The following ANKHD1 variants were observed in gnomAD, a reference collection of about 807,000 sequenced individuals.
ANKHD1 encodes the protein ankyrin repeat and KH domain containing 1.
In ANKHD1, 31 loss-of-function variants were observed where a neutral mutation model predicts 230.5. The observed-to-expected ratio is 0.13, with a 90% CI of 0.10 to 0.18. ANKHD1 has a LOEUF of 0.18. Among genes scored for constraint, ANKHD1 ranks in the 10% least tolerant of loss-of-function variants. ANKHD1 has a pLI of 1.00. For missense variants in ANKHD1, 2,256 were observed against 3,071.3 expected, an observed-to-expected ratio of 0.73 and a Z score of 6.27; for synonymous variants, 1,074 against 1,117.6, an observed-to-expected ratio of 0.96 and a Z score of 0.78.
intron 24 of ANKHD1, among the ~76,000 whole-genome samples, chr5:140,518,955 G>A (rs1753183665): frequency 6.6e-6 from 1 of 152,250 alleles, no homozygotes; most frequent in South Asian, 2.1e-4. Flanking sequence ...GCAGGAGAAG[G>A]AAATAAAGGG....
Position 140,535,343 on chromosome 5 carries a change from T to A in ANKHD1, c.6851-19T>A. The A allele has an allele frequency of 6.4e-7, 1 of 1,570,062 alleles. No individual in the cohort carries two copies. Among genetic ancestry groups the A allele is most frequent in the Non-Finnish European group, 8.6e-7 (1 of 1,162,726 alleles). On this transcript the variant is annotated intron_variant, in intron 29 of 33. Coordinates refer to ENST00000360839, the MANE Select transcript of ANKHD1 (RefSeq NM_017747.3). ...TAAAGTTTTAGCTAATTGGATGTCT[T>A]GGACCTGTTTTATTTCAGGGTTACC...
chr5:140,451,040 TACTTGG>T (rs1225075125), intron 7 of ANKHD1, among the ~76,000 whole-genome samples: 1 of 152,018 alleles, frequency 6.6e-6, no homozygotes, highest in Non-Finnish European at 1.5e-5. Flanking sequence ...TAATCCCAGC[TACTTGG>T]GAGGCTAAGA....
intron 10 of ANKHD1, among the ~76,000 whole-genome samples, chr5:140,481,715 C>T (rs1371209354): frequency 6.6e-6 from 1 of 151,844 alleles, no homozygotes; most frequent in East Asian, 1.9e-4. Context: ...TGAAATAAAG[C>T]CTTAACGTAA....
At chr5:140,436,571 C>G (rs1438485479) in intron 2 of ANKHD1, among the ~76,000 whole-genome samples, 2 of 151,842 alleles carry the variant, frequency 1.3e-5, no homozygotes, top group Non-Finnish European at 2.9e-5. Context: ...ATGATGAAAC[C>G]CTGTCTCTAC....
intron 1 of ANKHD1, among the ~76,000 whole-genome samples, chr5:140,432,106 C>T (rs968126422): frequency 6.6e-6 from 1 of 152,130 alleles, no homozygotes; most frequent in African/African-American, 2.4e-5. Context: ...AATTCGTATG[C>T]CATAAGATAT....
intron 1 of ANKHD1, among the ~76,000 whole-genome samples, chr5:140,420,516 G>C (rs1036272451): frequency 2.6e-5 from 4 of 152,290 alleles, no homozygotes; most frequent in Admixed American, 2.6e-4. Context: ...TATATAAGGC[G>C]TGAGGTAGAG....
intron 1 of ANKHD1, among the ~76,000 whole-genome samples, chr5:140,418,607 T>C (rs74471255): frequency 0.016 from 2,471 of 152,356 alleles, 75 homozygotes; most frequent in African/African-American, 0.056. Context: ...TCTGTCTGTA[T>C]GTATTTGCCT....
chr5:140,461,225 C>T (rs927863616), intron 9 of ANKHD1, among the ~76,000 whole-genome samples: 7 of 152,130 alleles, frequency 4.6e-5, no homozygotes, highest in Admixed American at 2.0e-4. Flanking sequence ...TATATAACTC[C>T]GTCGAAGGTA....
intron 1 of ANKHD1, among the ~76,000 whole-genome samples, chr5:140,427,870 C>T (rs1438224580): frequency 2.6e-5 from 4 of 151,906 alleles, no homozygotes; most frequent in African/African-American, 9.7e-5. Context: ...GGGCTCCTCA[C>T]TTCTCAGACG....
intron 10 of ANKHD1, among the ~76,000 whole-genome samples, chr5:140,470,586 A>AT (rs1367153795): frequency 2.5e-5 from 1 of 39,392 alleles, no homozygotes; most frequent in Non-Finnish European, 6.2e-5. Flanking sequence ...CCAGGTCACT[A>AT]TTTTTTTCTG....
intron 24 of ANKHD1, among the ~76,000 whole-genome samples, chr5:140,520,574 A>G (rs974287797): frequency 6.6e-6 from 1 of 151,940 alleles, no homozygotes; most frequent in Non-Finnish European, 1.5e-5. Flanking sequence ...TGTGGCACAT[A>G]TACACCATGG....
intron 14 of ANKHD1, among the ~76,000 whole-genome samples, chr5:140,491,822 T>C (rs572685242): frequency 3.3e-4 from 50 of 152,290 alleles, no homozygotes; most frequent in Admixed American, 2.6e-4. Flanking sequence ...TATGGTCTAC[T>C]ATGCCTTGCT....
At position 140,522,726 on chromosome 5, in the gene ANKHD1, T is replaced by C. The variant is rs1753408613; in HGVS notation, c.4318-1340T>C. Among the ~76,000 whole-genome samples the C allele has an allele frequency of 2.6e-5, 4 of 152,194 alleles. No homozygotes were observed. The South Asian group carries it at 8.3e-4, about 31-fold the overall frequency. On this transcript the variant is annotated intron_variant, in intron 24 of 33. Coordinates refer to ENST00000360839, the MANE Select transcript of ANKHD1 (RefSeq NM_017747.3). ...ATATGCTAGTTCTGTGTTTAACTAT[T>C]TGAAGGATTGAAGGAGTGCCAGATT...
intron 1 of ANKHD1, among the ~76,000 whole-genome samples, chr5:140,416,101 T>C (rs936588503): frequency 9.2e-5 from 14 of 152,188 alleles, no homozygotes; most frequent in African/African-American, 3.4e-4. Context: ...TCCATGTCCC[T>C]ACAAAGGATA....
chr5:140,461,202 T>C (rs1481550422), intron 9 of ANKHD1, among the ~76,000 whole-genome samples: 1 of 152,210 alleles, frequency 6.6e-6, no homozygotes, highest in African/African-American at 2.4e-5. Context: ...AGGGAACTAA[T>C]GCACAATGAT....
chr5:140,443,416 C>T (rs1394256948), intron 5 of ANKHD1, among the ~76,000 whole-genome samples: 3 of 151,658 alleles, frequency 2.0e-5, no homozygotes, highest in Non-Finnish European at 2.9e-5. Context: ...AAAGGCCGGG[C>T]GTGGTGGCTC....
At chr5:140,431,761 G>A (rs1157232406) in intron 1 of ANKHD1, among the ~76,000 whole-genome samples, 1 of 152,166 alleles carries the variant, frequency 6.6e-6, no homozygotes, top group African/African-American at 2.4e-5. Flanking sequence ...ACTGTAAGAC[G>A]TAGAATTAAC....
chr5:140,426,561 C>T (rs550963540), intron 1 of ANKHD1, among the ~76,000 whole-genome samples: 1 of 151,532 alleles, frequency 6.6e-6, no homozygotes, highest in Non-Finnish European at 1.5e-5. Context: ...GTGTTTCTCG[C>T]AGAGGGGGAT....
chr5:140,481,755 A>G (rs972132913), intron 10 of ANKHD1, among the ~76,000 whole-genome samples: 3 of 152,094 alleles, frequency 2.0e-5, no homozygotes, highest in Non-Finnish European at 2.9e-5. Flanking sequence ...TTTTCTTAGT[A>G]ATAAAAGAGA....
Sources: allele counts gnomAD v4.1 joint callset (sites outside exome capture counted in the v4.1 genomes callset), GRCh38; gene constraint gnomAD v4.1.1; transcripts MANE v1.5; gene names NCBI Gene and HGNC (gene_info 2026-07-23, HGNC 2026-07-21).